The following KMT5A variants were observed in gnomAD, a reference collection of about 807,000 sequenced individuals.
The protein encoded by KMT5A is N-lysine methyltransferase KMT5A.
Under a neutral mutation model 40.6 loss-of-function variants are expected in KMT5A, and 6 were observed. That is an observed-to-expected ratio of 0.15 (90% CI 0.08 to 0.29). The LOEUF is 0.29. Ranked by LOEUF, KMT5A falls within the 10% of genes least tolerant of loss-of-function variation. The pLI, the probability that KMT5A is intolerant of heterozygous loss-of-function variation, is 1.00. For synonymous variants in KMT5A, 153 were observed against 178.8 expected (o/e 0.86, Z 1.15); for missense variants, 308 against 459.1 (o/e 0.67, Z 3.01).
intron 5 of KMT5A, among the ~76,000 whole-genome samples, chr12:123,397,209 A>C (rs1877796443): frequency 1.3e-5 from 2 of 152,244 alleles, no homozygotes; most frequent in African/African-American, 4.8e-5. Flanking sequence ...TGCGGCAGGC[A>C]GTCAATATTT....
chr12:123,399,073 C>A (rs1376983184), intron 5 of KMT5A, among the ~76,000 whole-genome samples: 1 of 152,234 alleles, frequency 6.6e-6, no homozygotes, highest in Non-Finnish European at 1.5e-5. Context: ...ACTGCAGGGG[C>A]CCCTTGGCCG....
At chr12:123,388,691 C>A (rs1401736225) in intron 1 of KMT5A, 1 of 141,540 alleles carries the variant, frequency 7.1e-6, no homozygotes, top group African/African-American at 2.5e-5. Flanking sequence ...CTGATTTCGT[C>A]TGGCACAGAC....
intron 5 of KMT5A, among the ~76,000 whole-genome samples, chr12:123,399,244 G>A (rs930053054): frequency 1.3e-5 from 2 of 152,220 alleles, no homozygotes; most frequent in Non-Finnish European, 2.9e-5. Flanking sequence ...GGTCACAGGC[G>A]CTTCTCAACT....
chr12:123,390,566 C>G (rs1343611615), intron 2 of KMT5A, 64 bp from the exon 3 acceptor site: 2 of 1,564,906 alleles, frequency 1.3e-6, no homozygotes, highest in East Asian at 2.3e-5. Flanking sequence ...TATTCCTCCT[C>G]CTCGTGAATG....
rs372004414 is a variant in KMT5A at position 123,391,876 on chromosome 12, G to A, written c.289+1090G>A. Among the ~76,000 whole-genome samples, 14 of 152,350 alleles carry A rather than the reference G, an allele frequency of 9.2e-5. No individual in the cohort carries two copies. In the East Asian group the frequency reaches 2.1e-3, roughly 23 times the overall value. On this transcript the variant is annotated intron_variant, in intron 3 of 7. Transcript: ENST00000402868. ...GGCCGGATCTGAGAACCAGGGCTGG[G>A]CAAGCCCTGAACTGGGGACAGGAGC...
At chr12:123,404,784 C>G in intron 6 of KMT5A, 100 bp from the exon 7 acceptor site, 1 of 1,131,130 alleles carries the variant, frequency 8.8e-7, no homozygotes, top group Non-Finnish European at 1.3e-6. Flanking sequence ...CTCAGTACAG[C>G]TGTTAAAGAC....
chr12:123,384,140 G>T lies in KMT5A; in HGVS notation c.-59G>T. The stretch of plus-strand genomic sequence containing the variant: ...CGGCGGAGCAGTTGGCTGAGTTGTT[G>T]CAACTTTTTTCGAAAGCTGGGTTTC... On this transcript the variant is annotated 5_prime_UTR_variant, in exon 1 of 8. Transcript: ENST00000402868. The surrounding 1 kb of genome is among the most constrained non-coding windows in gnomAD (Gnocchi z 5.7). 2 of 1,608,120 alleles carry T rather than the reference G, an allele frequency of 1.2e-6. No individual in the cohort carries two copies. The highest frequency in any genetic ancestry group is 2.7e-5 in the African/African-American group (2 of 74,900).
rs1878757905 is a variant in KMT5A, at chr12:123,408,574, T to C, written c.*871T>C. On this transcript the variant is annotated 3_prime_UTR_variant, in exon 8 of 8. Transcript: ENST00000402868. Reference sequence around the variant, plus strand: ...AGTGAGTGAAGTGGCTGCTTTTTTTTTTTTTTTTTTTTGCTTTTTTTTGCT... The same window carrying C: ...AGTGAGTGAAGTGGCTGCTTTTTTTCTTTTTTTTTTTTGCTTTTTTTTGCT... The C allele has an allele frequency of 6.9e-6, 1 of 145,584 alleles. No homozygotes were observed. Among genetic ancestry groups the C allele is most frequent in the Non-Finnish European group, 1.5e-5 (1 of 65,984 alleles). 9.0% of individuals were successfully genotyped at this position (145,584 alleles called of 1,614,324 possible).
intron 5 of KMT5A, 61 bp downstream of exon 5, chr12:123,396,493 T>C: frequency 4.7e-6 from 7 of 1,487,014 alleles, no homozygotes; most frequent in Non-Finnish European, 6.6e-6. Context: ...AAGCAGTGCT[T>C]GGCGTGTGCG....
rs746768964 is a variant in KMT5A, at chr12:123,396,448, A to T, written c.597+16A>T. ...CGAGCTGCAGGTAGTCACGTGCTTTAAATTCCAGTTTGTGGAGGGGCAGGG... is the reference window on the plus strand; with the variant it reads ...CGAGCTGCAGGTAGTCACGTGCTTTTAATTCCAGTTTGTGGAGGGGCAGGG... On this transcript the variant is annotated intron_variant, in intron 5 of 7. Coordinates refer to ENST00000402868, the MANE Select transcript of KMT5A (RefSeq NM_020382.7). 2.5e-6 allele frequency: 4 copies of T among 1,613,632 alleles called. No individual in the cohort carries two copies. In the South Asian group the frequency reaches 3.3e-5, roughly 13 times the overall value.
chr12:123,390,560 C>T (rs201708111), intron 2 of KMT5A, 70 bp from the exon 3 acceptor site: 5 of 1,545,614 alleles, frequency 3.2e-6, no homozygotes, highest in East Asian at 2.3e-5. Flanking sequence ...CTTTTGTATT[C>T]CTCCTCCTCG....
At chr12:123,385,779 G>A (rs1424117815) in intron 1 of KMT5A, among the ~76,000 whole-genome samples, 1 of 152,082 alleles carries the variant, frequency 6.6e-6, no homozygotes, top group Non-Finnish European at 1.5e-5. Flanking sequence ...CTGAACCTGG[G>A]AGGTGGAGCT....
At chr12:123,398,644 T>C (rs930160757) in intron 5 of KMT5A, among the ~76,000 whole-genome samples, 1 of 152,248 alleles carries the variant, frequency 6.6e-6, no homozygotes, top group African/African-American at 2.4e-5. Flanking sequence ...CTGTTTGTGT[T>C]GGCTCTGCTG....
At chr12:123,406,065 C>T (rs1047100657) in intron 7 of KMT5A, among the ~76,000 whole-genome samples, 19 of 151,606 alleles carry the variant, frequency 1.3e-4, no homozygotes, top group Admixed American at 1.1e-3. Context: ...GTGACCTGCC[C>T]ACCTTGGCCT....
rs561096534 is a variant in KMT5A, at chr12:123,396,973, A to G, written c.597+541A>G. Among the ~76,000 whole-genome samples the G allele has an allele frequency of 2.6e-5, 4 of 152,312 alleles. No individual in the cohort carries two copies. In the East Asian group the frequency reaches 5.8e-4, roughly 22 times the overall value. On this transcript the variant is annotated intron_variant, in intron 5 of 7. Coordinates refer to ENST00000402868, the MANE Select transcript of KMT5A (RefSeq NM_020382.7). ...CTGCTAGAGCTGTGGTGAGCATTCA[A>G]TAAATGTGGTCATGCAAGAGGAACC...
chr12:123,404,428 A>T (rs1878387189), intron 6 of KMT5A, among the ~76,000 whole-genome samples: 1 of 152,338 alleles, frequency 6.6e-6, no homozygotes, highest in Non-Finnish European at 1.5e-5. Flanking sequence ...GTAGAGACCC[A>T]GAACACTGGG....
Position 123,390,743 on chromosome 12 carries a change from A to G in KMT5A, c.246A>G (p.Lys82=). 2 of 1,613,930 alleles carry G rather than the reference A, an allele frequency of 1.2e-6. No individual in the cohort carries two copies. The highest frequency in any genetic ancestry group is 1.7e-6 in the Non-Finnish European group (2 of 1,179,828). The change falls in exon 3 of 8, where the codon AAA becomes AAG. Residue 82 remains lysine, a synonymous_variant. Coordinates refer to ENST00000402868, the MANE Select transcript of KMT5A (RefSeq NM_020382.7). ...EENSVTHHEV[K]CQGKPLAGIY... is the part of the protein sequence containing the mutation. ...ACTCAGTTACACATCACGAAGTCAA[A>G]TGCCAGGGGAAACCATTAGCCGGAA...
chr12:123,395,776 G>A lies in KMT5A; in HGVS notation c.509+510G>A, dbSNP rs199791192. ...GACAGGGTTTCACCATGTTGGTCAG[G>A]CTGGTCTCAAACTCCTGACCTCGTG... On this transcript the variant is annotated intron_variant, in intron 4 of 7. Coordinates refer to ENST00000402868, the MANE Select transcript of KMT5A (RefSeq NM_020382.7). Among the ~76,000 whole-genome samples the A allele has an allele frequency of 5.9e-5, 9 of 152,156 alleles. No homozygotes were observed. The East Asian group carries it at 1.5e-3, about 26-fold the overall frequency.
chr12:123,405,249 A>G (rs1878448831), intron 7 of KMT5A, among the ~76,000 whole-genome samples, 175 bp downstream of exon 7: 1 of 151,544 alleles, frequency 6.6e-6, no homozygotes, highest in African/African-American at 2.4e-5. Context: ...GCTGGAGTGC[A>G]GTGGTGTGAT....
Sources: gnomAD v4.1 joint callset for allele counts (sites outside exome capture counted in the v4.1 genomes callset) on GRCh38, gnomAD v4.1.1 for gene constraint, Gnocchi (gnomAD v3.1) non-coding constraint, MANE v1.5 for transcripts, NCBI Gene and HGNC (gene_info 2026-07-23, HGNC 2026-07-21) for gene names.